Variants in MCM9 observed in about 807,000 individuals in gnomAD.
The protein encoded by MCM9 is minichromosome maintenance 9 homologous recombination repair factor.
A neutral mutation model predicts 72.8 loss-of-function variants in MCM9; 55 were observed. The ratio of observed to expected loss-of-function variants is 0.76; its 90% CI spans 0.61 to 0.95. The LOEUF is 0.95. Ranked by LOEUF, MCM9 falls within the 40% of genes least tolerant of loss-of-function variation. The pLI, the probability that MCM9 is intolerant of heterozygous loss-of-function variation, is 0.00. For missense variants in MCM9, 1,279 were observed against 1,377.0 expected (o/e 0.93, Z 1.13); for synonymous variants, 480 against 503.4 (o/e 0.95, Z 0.62).
intron 8 of MCM9, among the ~76,000 whole-genome samples, chr6:118,899,741 A>G (rs1310851148): frequency 6.6e-6 from 1 of 152,250 alleles, no homozygotes; most frequent in Non-Finnish European, 1.5e-5. Context: ...GGGAACAAAA[A>G]TATCTACAGT....
intron 9 of MCM9, among the ~76,000 whole-genome samples, chr6:118,844,453 G>A (rs1475998988): frequency 6.6e-6 from 1 of 151,414 alleles, no homozygotes; most frequent in African/African-American, 2.4e-5. Flanking sequence ...TTGTAACTAG[G>A]GGTACATACA....
Position 118,900,011 on chromosome 6 carries a change from T to C in MCM9, c.1150+11639A>G, listed in dbSNP as rs1033837192. On this transcript the variant is annotated intron_variant, in intron 8 of 13. Transcript: ENST00000619706. ...ACTTCACAGAACACATTGTAAAACA[T>C]GCTCAGTAAAATCCGCTATATTGAA... Among the ~76,000 whole-genome samples, 8 of 152,352 alleles carry C rather than the reference T, an allele frequency of 5.3e-5. 1 individual carries two copies. In the South Asian group the frequency reaches 1.7e-3, roughly 32 times the overall value.
chr6:118,834,700 GT>G (rs1237184881), intron 9 of MCM9, among the ~76,000 whole-genome samples: 76 of 146,760 alleles, frequency 5.2e-4, no homozygotes, highest in Middle Eastern at 3.5e-3. Flanking sequence ...TTTTGATGTG[GT>G]TTTTTTTTTT....
At chr6:118,893,935 A>ACGCCTCCCCGCCGCGGCCACGC in intron 8 of MCM9, 1 of 846,548 alleles carries the variant, frequency 1.2e-6, no homozygotes, top group South Asian at 5.2e-5. Flanking sequence ...CGCCGCAGCC[A>ACGCCTCCCCGCCGCGGCCACGC]CGCCTCCCCG....
intron 8 of MCM9, chr6:118,907,262 A>G (rs1583624753): frequency 1.6e-6 from 1 of 615,384 alleles, no homozygotes; most frequent in East Asian, 2.8e-5. Flanking sequence ...TATTTAAGGT[A>G]CTTAACTTGA....
At chr6:118,915,258 T>TA (rs1373794978) in intron 6 of MCM9, among the ~76,000 whole-genome samples, 15 of 152,168 alleles carry the variant, frequency 9.9e-5, no homozygotes, top group Admixed American at 9.8e-4. Context: ...TTAGCACCAG[T>TA]ACTACCCCCA....
chr6:118,878,866 G>A (rs140624873), intron 8 of MCM9, among the ~76,000 whole-genome samples: 10,030 of 152,120 alleles, frequency 0.066, 477 homozygotes, highest in East Asian at 0.19. Flanking sequence ...AGACCAGCCT[G>A]GGCAACATGA....
chr6:118,917,075 G>A (rs1027978825), intron 6 of MCM9, among the ~76,000 whole-genome samples: 11 of 152,154 alleles, frequency 7.2e-5, no homozygotes, highest in Admixed American at 1.3e-4. Flanking sequence ...GAATGTCACA[G>A]TCAAAATTTT....
At chr6:118,843,696 A>ATATGTGTG in intron 9 of MCM9, among the ~76,000 whole-genome samples, 1 of 102,422 alleles carries the variant, frequency 9.8e-6, no homozygotes, top group African/African-American at 4.5e-5. Flanking sequence ...GTGTATATAT[A>ATATGTGTG]TATATATGTA....
rs576375939 is a variant in MCM9, at chr6:118,830,928, TG to T, written c.1326-1679del. Among the ~76,000 whole-genome samples the T allele has an allele frequency of 1.8e-4, 28 of 152,330 alleles. No homozygotes were observed. The East Asian group carries it at 4.8e-3, about 26-fold the overall frequency. Reference sequence around the variant, plus strand: ...CAGATCGTAAGTGTGCAAGGAGTGCTGGTGTCAGTATCAGCATTAGTATCAG... The same window carrying T: ...CAGATCGTAAGTGTGCAAGGAGTGCTGTGTCAGTATCAGCATTAGTATCAG... On this transcript the variant is annotated intron_variant, in intron 9 of 13. Coordinates refer to ENST00000619706, the MANE Select transcript of MCM9 (RefSeq NM_017696.3).
intron 9 of MCM9, among the ~76,000 whole-genome samples, chr6:118,839,502 C>T (rs753348203): frequency 6.6e-6 from 1 of 152,006 alleles, no homozygotes; most frequent in Non-Finnish European, 1.5e-5. Context: ...TTTGAAGAGG[C>T]GTTCTGGTTT....
intron 8 of MCM9, among the ~76,000 whole-genome samples, chr6:118,876,173 A>G (rs980055419): frequency 6.6e-6 from 1 of 152,206 alleles, no homozygotes; most frequent in African/African-American, 2.4e-5. Flanking sequence ...ACATTCTCGA[A>G]AAAGTAAAGC....
At position 118,814,886 on chromosome 6, in the gene MCM9, G is replaced by A; in HGVS notation, c.3370C>T (p.Pro1124Ser). 6 of 1,545,676 alleles carry A rather than the reference G, an allele frequency of 3.9e-6. No homozygotes were observed. The highest frequency in any genetic ancestry group is 5.2e-6 in the Non-Finnish European group (6 of 1,145,134). ...TCAAATGCTTCATCACCTAGTTCTG[G>A]TAAAGTGAAGAGGGATTCTTTGGAA... ...IVSKESLFTL[P>S]ELGDEAFDCD... is the part of the protein sequence containing the mutation. Residue 1124 changes from proline to serine, a missense_variant, in exon 14 of 14, where the codon CCA becomes TCA. Coordinates refer to ENST00000619706, the MANE Select transcript of MCM9 (RefSeq NM_017696.3).
chr6:118,890,631 T>C (rs1194745958), intron 8 of MCM9, among the ~76,000 whole-genome samples: 1 of 152,198 alleles, frequency 6.6e-6, no homozygotes. Context: ...ACAAATGCTC[T>C]CTGTATGTAT....
At chr6:118,901,123 CA>C in intron 8 of MCM9, 1 of 370,858 alleles carries the variant, frequency 2.7e-6, no homozygotes, top group South Asian at 4.6e-5. Flanking sequence ...GAACAACCTA[CA>C]GTAAATTTTA....
chr6:118,859,000 T>A (rs1231714957), intron 8 of MCM9, among the ~76,000 whole-genome samples: 2 of 152,078 alleles, frequency 1.3e-5, no homozygotes, highest in Non-Finnish European at 2.9e-5. Context: ...AGCTTGGAGG[T>A]CTCACATGAC....
chr6:118,913,257 G>C, intron 7 of MCM9, 38 bp downstream of exon 7: 1 of 1,605,312 alleles, frequency 6.2e-7, no homozygotes, highest in South Asian at 1.1e-5. Flanking sequence ...TTCCATCCAT[G>C]TGTCAATATT....
intron 7 of MCM9, 105 bp downstream of exon 7, chr6:118,913,190 C>T (rs1780682587): frequency 7.6e-7 from 1 of 1,313,536 alleles, no homozygotes. Context: ...TATAAGATTA[C>T]AATTGGAAAA....
rs9401095 is a variant in MCM9 at position 118,903,979 on chromosome 6, G to T, written c.1150+7671C>A. 4.1e-3 allele frequency among the ~76,000 whole-genome samples: 617 copies of T among 152,178 alleles called. 11 individuals are homozygous for T. The East Asian group carries it at 0.042, about 10-fold the overall frequency. On this transcript the variant is annotated intron_variant, in intron 8 of 13. Coordinates refer to ENST00000619706, the MANE Select transcript of MCM9 (RefSeq NM_017696.3). The stretch of plus-strand genomic sequence containing the variant: ...TAAAGGAGGTATGAATGGAGATATT[G>T]GCTGGAGACAAACTGAGAAGGGCCT...
Sources: allele counts gnomAD v4.1 joint callset (sites outside exome capture counted in the v4.1 genomes callset), GRCh38; gene constraint gnomAD v4.1.1; transcripts MANE v1.5; gene names NCBI Gene and HGNC (gene_info 2026-07-23, HGNC 2026-07-21).